UBA5: variants seen among roughly 807,000 people sequenced by gnomAD.
UBA5 encodes ubiquitin like modifier activating enzyme 5.
A neutral mutation model predicts 52.9 loss-of-function variants in UBA5; 28 were observed. That is an observed-to-expected ratio of 0.53 (90% confidence interval 0.39 to 0.73). The LOEUF (loss-of-function observed/expected upper bound fraction) is 0.73. UBA5 is among the 30% of genes least tolerant of loss of function. The probability of loss-of-function intolerance (pLI) is 0.00; values close to 1 mark genes in which losing one functional copy is unlikely to be tolerated. For synonymous variants in UBA5, 135 were observed against 162.1 expected (o/e 0.83, Z 1.27); for missense variants, 388 against 492.7 (o/e 0.79, Z 2.01).
chr3:132,671,107 C>G (rs1576647898), intron 6 of UBA5, 58 bp downstream of exon 6: 1 of 1,428,088 alleles, frequency 7.0e-7, no homozygotes, highest in Admixed American at 1.7e-5. Context: ...CCTGTATATT[C>G]TATCAGTATA....
Position 132,675,527 on chromosome 3 carries a change from G to C in UBA5, c.949-78G>C, listed in dbSNP as rs182791227. ...TTTCTTGCTTTTGGTAAGATAAAAA[G>C]CCTGTCTGAATTCTTGATTAATGCT... On this transcript the variant is annotated intron_variant, in intron 9 of 11. Transcript: ENST00000356232. 267 of 1,517,640 alleles carry C rather than the reference G, an allele frequency of 1.8e-4. 2 individuals carry two copies. Among genetic ancestry groups the C allele is most frequent in the Non-Finnish European group, 8.9e-5 (99 of 1,112,884 alleles). The allele number at this position is 1,517,640 out of a possible 1,614,324, so 94.0% of individuals were successfully genotyped here. A position where few individuals can be genotyped will look rare whatever the true frequency, so the allele number is the denominator to read the frequency against.
At chr3:132,659,841 T>G (rs552170055), upstream of UBA5, 18 of 1,455,442 alleles carry the variant, frequency 1.2e-5, no homozygotes, top group East Asian at 3.8e-4. Flanking sequence ...CTCTAGAGCA[T>G]GGGCCGAGGC....
intron 1 of UBA5, among the ~76,000 whole-genome samples, chr3:132,664,800 G>T (rs552478487): frequency 6.6e-6 from 1 of 152,232 alleles, no homozygotes. Context: ...TGTGCAGTAA[G>T]TCTAGAGACA....
At chr3:132,668,766 T>C in intron 3 of UBA5, 52 bp from the exon 4 acceptor site, 1 of 1,125,948 alleles carries the variant, frequency 8.9e-7, no homozygotes, top group Non-Finnish European at 1.3e-6. Flanking sequence ...TTTTTTGATA[T>C]GTTTAGTTTT....
chr3:132,663,486 C>G (rs181251329), intron 1 of UBA5, among the ~76,000 whole-genome samples: 146 of 152,208 alleles, frequency 9.6e-4, no homozygotes, highest in African/African-American at 3.3e-3. Flanking sequence ...TACTGAGTGT[C>G]GAGACTCCCA....
chr3:132,656,316 A>G (rs892811634), upstream of UBA5, among the ~76,000 whole-genome samples: 2 of 152,186 alleles, frequency 1.3e-5, no homozygotes, highest in Non-Finnish European at 2.9e-5. Context: ...ATACTGTAGT[A>G]CAAGAAAAGT....
At chr3:132,675,139 A>T (rs574480162) in intron 8 of UBA5, 109 bp from the exon 9 acceptor site, 15 of 761,112 alleles carry the variant, frequency 2.0e-5, no homozygotes, top group Admixed American at 3.1e-5. Context: ...TTTTCTGGTT[A>T]AAAAAAATAT....
intron 1 of UBA5, among the ~76,000 whole-genome samples, chr3:132,664,428 T>A (rs1343136027): frequency 6.6e-6 from 1 of 152,198 alleles, no homozygotes; most frequent in Non-Finnish European, 1.5e-5. Flanking sequence ...TCTCAAAATT[T>A]ACCTTTGCCG....
At position 132,671,048 on chromosome 3, in the gene UBA5, C is replaced by T; in HGVS notation, c.578C>T (p.Thr193Ile). The T allele has an allele frequency of 6.2e-7, 1 of 1,610,994 alleles. No homozygotes were observed. The highest frequency in any genetic ancestry group is 8.5e-7 in the Non-Finnish European group (1 of 1,177,540). The change falls in exon 6 of 12, where the codon ACA (threonine) becomes ATA (isoleucine). Residue 193 changes from threonine (T) to isoleucine (I), a missense_variant and splice_region_variant. Coordinates refer to ENST00000356232, the MANE Select transcript of UBA5 (RefSeq NM_024818.6). Reference sequence around the variant, plus strand: ...TTTGAAGCTCGAATGACAATAAATACAGTGAGTATTCCTGCTGTGCAAGAT... The same window carrying T: ...TTTGAAGCTCGAATGACAATAAATATAGTGAGTATTCCTGCTGTGCAAGAT... ...DNFEARMTIN[T>I]ACNELGQTWM...
chr3:132,666,717 T>C (rs1216319977), intron 3 of UBA5, among the ~76,000 whole-genome samples: 1 of 152,158 alleles, frequency 6.6e-6, no homozygotes, highest in East Asian at 1.9e-4. Context: ...CTTTCTAATA[T>C]GTTGGTCTAC....
At position 132,663,159 on chromosome 3, in the gene UBA5, A is replaced by T. The variant is rs1938238192; in HGVS notation, c.161+2461A>T. The stretch of plus-strand genomic sequence containing the variant: ...AGAGAAGTTTAATCTTAAGCTCGCA[A>T]CCCAGTTTATTGCAAGAATCCCCCA... On this transcript the variant is annotated intron_variant, in intron 1 of 11. Transcript: ENST00000356232. Among the ~76,000 whole-genome samples, 3 of 152,166 alleles carry T rather than the reference A, an allele frequency of 2.0e-5. No homozygotes were observed. The South Asian group carries it at 6.2e-4, about 32-fold the overall frequency.
chr3:132,677,396 C>T lies in UBA5; in HGVS notation c.*870C>T, dbSNP rs1393167318. On this transcript the variant is annotated 3_prime_UTR_variant, in exon 12 of 12. Coordinates refer to ENST00000356232, the MANE Select transcript of UBA5 (RefSeq NM_024818.6). ...TTTGATTTTCGAGGTAGTGAGATGT[C>T]GGCAAGGTTTGTCCTGTATATTAGG... The T allele has an allele frequency of 1.3e-5, 2 of 153,632 alleles. No individual in the cohort carries two copies. Among genetic ancestry groups the T allele is most frequent in the East Asian group, 1.9e-4 (1 of 5,236 alleles). 9.5% of individuals were successfully genotyped at this position (153,632 alleles called of 1,614,324 possible).
chr3:132,667,299 A>C (rs1938416694), intron 3 of UBA5: 1 of 152,224 alleles, frequency 6.6e-6, no homozygotes, highest in East Asian at 1.9e-4. Flanking sequence ...TAATGCAGCT[A>C]GACCACGCCA....
At chr3:132,674,185 T>TA (rs1400695418) in intron 8 of UBA5, among the ~76,000 whole-genome samples, 1 of 152,214 alleles carries the variant, frequency 6.6e-6, no homozygotes, top group Non-Finnish European at 1.5e-5. Context: ...GTTGAACACT[T>TA]ACATTCTTCT....
At position 132,675,671 on chromosome 3, in the gene UBA5, A is replaced by C; in HGVS notation, c.1015A>C (p.Asn339His). 6.2e-7 allele frequency: 1 copy of C among 1,610,134 alleles called. No homozygotes were observed. Among genetic ancestry groups the C allele is most frequent in the African/African-American group, 1.3e-5 (1 of 74,970 alleles). ...QEEEEIIHEDNEWGIELVSEV... is the reference protein window; with the variant it reads ...QEEEEIIHEDHEWGIELVSEV... Reference sequence around the variant, plus strand: ...AGAGGAAGAGATAATCCATGAAGATAATGAATGGGGTAGGTATTCTTTTAT... The same window carrying C: ...AGAGGAAGAGATAATCCATGAAGATCATGAATGGGGTAGGTATTCTTTTAT... Residue 339 changes from asparagine to histidine, a missense_variant, in exon 10 of 12, where the codon AAT (asparagine) becomes CAT (histidine). Around this residue, in one of 3 missense-constraint regions of UBA5, gnomAD observed 277 missense variants for 326.4 expected, o/e 0.85. Coordinates refer to ENST00000356232, the MANE Select transcript of UBA5 (RefSeq NM_024818.6).
Position 132,675,341 on chromosome 3 carries a change from G to A in UBA5, c.906G>A (p.Gln302=), listed in dbSNP as rs1301210763. Residue 302 remains glutamine, a synonymous_variant, in exon 9 of 12, where the codon CAG becomes CAA. Transcript: ENST00000356232. ...CTATGTCCATGAAGCCAAATCCTCAGTGTGATGACAGAAATTGCAGGAAGC... is the reference window on the plus strand; with the variant it reads ...CTATGTCCATGAAGCCAAATCCTCAATGTGATGACAGAAATTGCAGGAAGC... ...FPTMSMKPNP[Q]CDDRNCRKQQ... 2 of 1,613,666 alleles carry A rather than the reference G, an allele frequency of 1.2e-6. No homozygotes were observed. Among genetic ancestry groups the A allele is most frequent in the Admixed American group, 3.3e-5 (2 of 60,016 alleles).
chr3:132,670,776 CATT>C, intron 5 of UBA5, 186 bp from the exon 6 acceptor site: 3 of 401,914 alleles, frequency 7.5e-6, no homozygotes, highest in Non-Finnish European at 8.8e-6. Context: ...ACTGTAGTAT[CATT>C]GATGTTATAT....
At chr3:132,672,009 TTTTCTC>T (rs1382929815) in intron 7 of UBA5, 35 bp from the exon 8 acceptor site, 3 of 1,609,676 alleles carry the variant, frequency 1.9e-6, no homozygotes, top group Non-Finnish European at 2.5e-6. Flanking sequence ...ATCTCATACT[TTTTCTC>T]TTTTTTTTTG....
rs550829309 is a variant in UBA5 at position 132,677,125 on chromosome 3, C to A, written c.*599C>A. 68 of 247,684 alleles carry A rather than the reference C, an allele frequency of 2.7e-4. 2 individuals carry two copies. The South Asian group carries it at 3.4e-3, about 13-fold the overall frequency. 15.3% of individuals were successfully genotyped at this position (247,684 alleles called of 1,614,324 possible). ...TGTAGTTATTGGAAAAGTCTGTAAC[C>A]TGTGGATCATATATATTCAAAGTGA... On this transcript the variant is annotated 3_prime_UTR_variant, in exon 12 of 12. Transcript: ENST00000356232.
Sources: gnomAD v4.1 joint callset for allele counts (sites outside exome capture counted in the v4.1 genomes callset) on GRCh38, gnomAD v4.1.1 for gene constraint, gnomAD v4.1.1 regional missense constraint, MANE v1.5 for transcripts, NCBI Gene and HGNC (gene_info 2026-07-23, HGNC 2026-07-21) for gene names.